NBPF9: variants seen among roughly 807,000 people sequenced by gnomAD.
The protein encoded by NBPF9 is NBPF member 9.
A neutral mutation model predicts 97.8 loss-of-function variants in NBPF9; 91 were observed. The ratio of observed to expected loss-of-function variants is 0.93; its 90% confidence interval spans 0.79 to 1.11. The LOEUF is 1.11. NBPF9 is among the 50% of genes least tolerant of loss of function. NBPF9 has a pLI of 0.00. For missense variants in NBPF9, 992 were observed against 939.5 expected, an observed-to-expected ratio of 1.06 and a Z score of -0.73; for synonymous variants, 334 against 359.5, an observed-to-expected ratio of 0.93 and a Z score of 0.80.
intron 12 of NBPF9, among the ~76,000 whole-genome samples, chr1:149,074,403 C>A (rs1346273596): frequency 1.3e-5 from 2 of 150,652 alleles, no homozygotes; most frequent in Admixed American, 1.3e-4. Context: ...ACACATAAGA[C>A]CATAAGGCCA....
chr1:149,098,307 T>G, intron 4 of NBPF9, 131 bp downstream of exon 4: 1 of 336,008 alleles, frequency 3.0e-6, no homozygotes, highest in Non-Finnish European at 4.5e-6. Context: ...AAATATTAAT[T>G]CAGTATCTGT....
At chr1:149,065,242 G>T (rs587656367) in intron 18 of NBPF9, 115 of 702,922 alleles carry the variant, frequency 1.6e-4, no homozygotes, top group Middle Eastern at 1.1e-3. Context: ...GTGCTACATA[G>T]TTTGGTGTGA....
At chr1:149,084,598 G>A (rs1262368404) in intron 5 of NBPF9, among the ~76,000 whole-genome samples, 4 of 150,722 alleles carry the variant, frequency 2.7e-5, no homozygotes, top group Admixed American at 6.6e-5. Flanking sequence ...GCAACGCAAC[G>A]GCCAGGTGGA....
Position 149,071,044 on chromosome 1 carries a change from T to C in NBPF9, c.1475A>G (p.Asn492Ser), listed in dbSNP as rs782040946. The change falls in exon 16 of 30, where the codon AAC becomes AGC. Residue 492 changes from asparagine to serine, a missense_variant. Physicochemically the swap from Asn to Ser is conservative, Grantham distance 46. Around this residue, in one of 11 missense-constraint regions of NBPF9, gnomAD observed 151 missense variants for 132.8 expected, o/e 1.14. Coordinates refer to ENST00000584027, the Ensembl canonical transcript of NBPF9. ...GATTTTGGTTTTCCTATGTGGCTGG[T>C]TGGAGTCATAAGGGCCATGGCTATT... The C allele has an allele frequency of 8.7e-6, 14 of 1,611,496 alleles. 2 individuals carry two copies. In the African/African-American group the frequency reaches 1.2e-4, roughly 14 times the overall value.
chr1:149,059,359 G>C (rs2078451299), intron 25 of NBPF9: 2 of 450,948 alleles, frequency 4.4e-6, no homozygotes, highest in East Asian at 5.8e-5. Context: ...TGATGAAGGA[G>C]TAAAAGGACA....
At chr1:149,089,824 C>G (rs1450804954) in intron 5 of NBPF9, among the ~76,000 whole-genome samples, 1 of 152,290 alleles carries the variant, frequency 6.6e-6, no homozygotes, top group Non-Finnish European at 1.5e-5. Context: ...GGGGCTGGTA[C>G]AGCCTCGCTC....
At chr1:149,088,427 G>A (rs1289261546) in intron 5 of NBPF9, among the ~76,000 whole-genome samples, 2 of 152,212 alleles carry the variant, frequency 1.3e-5, no homozygotes, top group Non-Finnish European at 2.9e-5. Flanking sequence ...TAGAGCTCTA[G>A]TATAATGCTG....
chr1:149,055,750 A>T, exon 30 of NBPF9: 3 of 1,611,860 alleles, frequency 1.9e-6, no homozygotes, highest in Non-Finnish European at 2.5e-6. Context: ...GGCGAAGCTG[A>T]TGTGCTGTTC....
chr1:149,079,194 C>T, exon 9 of NBPF9: 2 of 1,062,014 alleles, frequency 1.9e-6, no homozygotes, highest in Non-Finnish European at 2.9e-6. Flanking sequence ...GCTCTCGTTC[C>T]TGAGAGTGAA....
intron 3 of NBPF9, among the ~76,000 whole-genome samples, chr1:149,100,895 C>T (rs868979993): frequency 4.2e-4 from 63 of 148,410 alleles, no homozygotes; most frequent in African/African-American, 1.1e-3. Context: ...GATCCTGCCA[C>T]GGCACTCTAG....
chr1:149,064,328 C>G (rs2078876863), intron 19 of NBPF9, 103 bp downstream of exon 19: 2 of 776,800 alleles, frequency 2.6e-6, no homozygotes, highest in African/African-American at 2.7e-5. Context: ...TCATACTTGT[C>G]TGACAAGACA....
intron 7 of NBPF9, among the ~76,000 whole-genome samples, chr1:149,081,232 G>T (rs1289482716): frequency 6.6e-6 from 1 of 151,764 alleles, no homozygotes; most frequent in South Asian, 2.1e-4. Flanking sequence ...GGATTCTTCT[G>T]CCTCAGCCTC....
intron 2 of NBPF9, among the ~76,000 whole-genome samples, chr1:149,101,655 G>T (rs1375717876): frequency 6.7e-6 from 1 of 150,302 alleles, no homozygotes; most frequent in Non-Finnish European, 1.5e-5. Context: ...AATGCAAAAT[G>T]AAATCACACT....
rs1331824415 is a variant in NBPF9 at position 149,055,955 on chromosome 1, C to A, written c.3093-56G>T. 11 of 1,611,652 alleles carry A rather than the reference C, an allele frequency of 6.8e-6. No homozygotes were observed. In the South Asian group the frequency reaches 8.8e-5, roughly 13 times the overall value. On this transcript the variant is annotated intron_variant, in intron 29 of 29. Transcript: ENST00000584027. ...CCAGGGAAAATCAGACACCACAGAG[C>A]CCCACTAGATTTCAGAAGTAACATA...
At chr1:149,076,061 A>G (rs1262809402) in intron 11 of NBPF9, among the ~76,000 whole-genome samples, 197 bp from the exon 12 acceptor site, 6 of 152,130 alleles carry the variant, frequency 3.9e-5, no homozygotes, top group Admixed American at 1.3e-4. Flanking sequence ...CTTGAAACCA[A>G]GACATAAACA....
chr1:149,073,031 C>A lies in NBPF9; in HGVS notation c.1092-99G>T. ...TTCTGAAACAGTGTCCTCAAGGAGA[C>A]CTCGAAGCAGAAGGTCAGCACATGT... On this transcript the variant is annotated intron_variant, in intron 13 of 29. Transcript: ENST00000584027. 5 of 1,321,716 alleles carry A rather than the reference C, an allele frequency of 3.8e-6. No individual in the cohort carries two copies. The Middle Eastern group carries it at 7.7e-4, about 205-fold the overall frequency. The allele number at this position is 1,321,716 out of a possible 1,614,324, so 81.9% of individuals were successfully genotyped here. A position where few individuals can be genotyped will look rare whatever the true frequency, so the allele number is the denominator to read the frequency against.
At chr1:149,090,434 T>C (rs1461368556) in intron 5 of NBPF9, 42 of 248,874 alleles carry the variant, frequency 1.7e-4, no homozygotes, top group Non-Finnish European at 2.9e-4. Context: ...ATTTCCTATG[T>C]ACATAAAGGG....
downstream of NBPF9, among the ~76,000 whole-genome samples, chr1:149,052,570 T>C (rs1168439474): frequency 5.9e-5 from 9 of 151,756 alleles, no homozygotes; most frequent in Admixed American, 5.9e-4. Context: ...GGGAAACAAA[T>C]GCTTTCCTGG....
At chr1:149,074,478 T>A (rs1383805741) in intron 12 of NBPF9, among the ~76,000 whole-genome samples, 1 of 151,536 alleles carries the variant, frequency 6.6e-6, no homozygotes, top group African/African-American at 2.4e-5. Context: ...AATGAAGAAC[T>A]AATAGATAGT....
Sources: allele counts gnomAD v4.1 joint callset (sites outside exome capture counted in the v4.1 genomes callset), GRCh38; gene constraint gnomAD v4.1.1; regional missense constraint gnomAD v4.1.1; transcripts MANE v1.5; gene names NCBI Gene and HGNC (gene_info 2026-07-23, HGNC 2026-07-21).